Variants in FGF14 observed in about 807,000 individuals in gnomAD.
FGF14 encodes fibroblast growth factor homologous factor 4.
Under a neutral mutation model 25.5 loss-of-function variants are expected in FGF14, and 5 were observed. The observed-to-expected ratio is 0.20, with a 90% CI of 0.10 to 0.41. The LOEUF (loss-of-function observed/expected upper bound fraction) is 0.41, where lower values mean the gene tolerates loss of function less well. FGF14 is among the 10% of genes least tolerant of loss of function. The probability of loss-of-function intolerance (pLI) is 1.00; values close to 1 mark genes in which losing one functional copy is unlikely to be tolerated. For synonymous variants in FGF14, 138 were observed against 118.3 expected, an observed-to-expected ratio of 1.17 and a Z score of -1.08; for missense variants, 222 against 320.1, an observed-to-expected ratio of 0.69 and a Z score of 2.34.
intron 1 of FGF14, among the ~76,000 whole-genome samples, chr13:102,172,743 A>T (rs2048301357): frequency 6.6e-6 from 1 of 152,170 alleles, no homozygotes. Flanking sequence ...CTGCTCACAC[A>T]AGAAAAATAT....
chr13:101,724,083 G>A (rs1284115407), intron 4 of FGF14, among the ~76,000 whole-genome samples: 1 of 151,928 alleles, frequency 6.6e-6, no homozygotes, highest in African/African-American at 2.4e-5. Context: ...TACTTGCTAA[G>A]GTAGCAAAAG....
chr13:101,850,824 T>C (rs2140361955), intron 3 of FGF14, among the ~76,000 whole-genome samples: 1 of 151,540 alleles, frequency 6.6e-6, no homozygotes, highest in South Asian at 2.1e-4. Context: ...AGAATAATTT[T>C]CCCTTCTTCA....
intron 1 of FGF14, among the ~76,000 whole-genome samples, chr13:101,946,519 G>T (rs1225695812): frequency 1.1e-4 from 16 of 152,142 alleles, no homozygotes. Flanking sequence ...CAGTCCATAT[G>T]GTTGATCCAG....
In FGF14 at chr13:101,740,292, G is replaced by A. The variant is rs548919784; in HGVS notation, c.409-13482C>T. 2.7e-3 allele frequency among the ~76,000 whole-genome samples: 404 copies of A among 152,288 alleles called. 3 individuals carry two copies. Among genetic ancestry groups the A allele is most frequent in the African/African-American group, 9.1e-3 (376 of 41,544 alleles). On this transcript the variant is annotated intron_variant, in intron 3 of 4. Coordinates refer to ENST00000376143, the MANE Select transcript of FGF14 (RefSeq NM_004115.4). ...CATCGTTCTCTAAAAGCAATGGGAA[G>A]ACATTAGAAGTTTTAAGCAGGAACA...
intron 1 of FGF14, among the ~76,000 whole-genome samples, chr13:102,094,506 G>C (rs2044304840): frequency 6.6e-6 from 1 of 152,072 alleles, no homozygotes; most frequent in Non-Finnish European, 1.5e-5. Flanking sequence ...TATTCTGGAG[G>C]GGGCAGGGAA....
chr13:101,876,928 A>G (rs1255185302), intron 1 of FGF14, among the ~76,000 whole-genome samples: 1 of 152,192 alleles, frequency 6.6e-6, no homozygotes, highest in Admixed American at 6.5e-5. Context: ...GTAGCATGGA[A>G]AAGAAGCGAA....
intron 1 of FGF14, among the ~76,000 whole-genome samples, chr13:102,190,061 A>T (rs1388459648): frequency 6.6e-6 from 1 of 152,210 alleles, no homozygotes; most frequent in Non-Finnish European, 1.5e-5. Context: ...AAAACATATC[A>T]CATGTTATGT....
At chr13:101,907,501 A>G (rs2493581) in intron 1 of FGF14, among the ~76,000 whole-genome samples, 68,073 of 151,900 alleles carry the variant, frequency 0.45, 18,476 homozygotes, top group African/African-American at 0.76. Flanking sequence ...GTAGGATAAG[A>G]ACTGAAAACA....
At chr13:102,080,157 G>A (rs1278276186) in intron 1 of FGF14, among the ~76,000 whole-genome samples, 4 of 152,146 alleles carry the variant, frequency 2.6e-5, no homozygotes, top group Admixed American at 2.6e-4. Context: ...GTATTAACAG[G>A]CTCATCCTCG....
chr13:102,365,096 C>A (rs1730183457), intron 1 of FGF14, among the ~76,000 whole-genome samples: 1 of 152,138 alleles, frequency 6.6e-6, no homozygotes, highest in Admixed American at 6.5e-5. Flanking sequence ...AATTATTAAG[C>A]AGGACCATCC....
rs1339550466 is a variant in FGF14, at chr13:101,726,763, A to G, written c.456T>C (p.Asn152=). Residue 152 remains asparagine (N), a synonymous_variant, in exon 4 of 5, where the codon AAT becomes AAC. Transcript: ENST00000376143. ...ECKFKESVFE[N]YYVIYSSMLY... Reference sequence around the variant, plus strand: ...ACATGGATGAGTAGATTACATAATAATTTTCAAAAACAGATTCTTTAAACT... The same window carrying G: ...ACATGGATGAGTAGATTACATAATAGTTTTCAAAAACAGATTCTTTAAACT... The G allele has an allele frequency of 6.2e-7, 1 of 1,612,574 alleles. No homozygotes were observed. The highest frequency in any genetic ancestry group is 1.7e-5 in the Admixed American group (1 of 59,840).
intron 1 of FGF14, among the ~76,000 whole-genome samples, chr13:102,372,547 C>T (rs1385626754): frequency 1.3e-5 from 2 of 152,134 alleles, no homozygotes; most frequent in East Asian, 3.9e-4. Context: ...CGTCAACCAT[C>T]CCCTATCCTC....
intron 1 of FGF14, among the ~76,000 whole-genome samples, chr13:102,228,989 G>A (rs1366155098): frequency 2.0e-5 from 3 of 152,070 alleles, no homozygotes; most frequent in Non-Finnish European, 1.5e-5. Flanking sequence ...TTATTTTAAT[G>A]TTCCTTTATT....
chr13:101,814,914 A>G (rs1203773554), intron 3 of FGF14, among the ~76,000 whole-genome samples: 1 of 152,238 alleles, frequency 6.6e-6, no homozygotes, highest in Non-Finnish European at 1.5e-5. Flanking sequence ...ATTGGCAGTC[A>G]GATTTACAAG....
chr13:101,747,150 C>T (rs1243776179), intron 3 of FGF14, among the ~76,000 whole-genome samples: 1 of 151,882 alleles, frequency 6.6e-6, no homozygotes, highest in Non-Finnish European at 1.5e-5. Context: ...AGATGAGTAC[C>T]TGCCAAAGAA....
At chr13:102,322,877 T>A (rs1248328727) in intron 1 of FGF14, among the ~76,000 whole-genome samples, 2 of 151,816 alleles carry the variant, frequency 1.3e-5, no homozygotes, top group Non-Finnish European at 2.9e-5. Flanking sequence ...ATCACCAAAC[T>A]TAACATTAAA....
chr13:101,721,076 A>C lies in FGF14; in HGVS notation c.*1755T>G, dbSNP rs1367181472. On this transcript the variant is annotated 3_prime_UTR_variant, in exon 5 of 5. Coordinates refer to ENST00000376143, the MANE Select transcript of FGF14 (RefSeq NM_004115.4). ...AAAATGATGACTGGGTCATCCTCCC[A>C]CATAGAAAGAATAACAAGAGGCCAG... 6.6e-6 allele frequency: 1 copy of C among 152,134 alleles called. No individual in the cohort carries two copies. The highest frequency in any genetic ancestry group is 1.5e-5 in the Non-Finnish European group (1 of 68,000). The allele number at this position is 152,134 out of a possible 1,614,324, so 9.4% of individuals were successfully genotyped here.
intron 1 of FGF14, among the ~76,000 whole-genome samples, chr13:102,123,137 A>G (rs2045804319): frequency 6.6e-6 from 1 of 152,146 alleles, no homozygotes; most frequent in Non-Finnish European, 1.5e-5. Flanking sequence ...AGACACCTCC[A>G]TGTGAAGTAG....
chr13:102,073,384 C>CA (rs1249859825), intron 1 of FGF14, among the ~76,000 whole-genome samples: 1 of 152,236 alleles, frequency 6.6e-6, no homozygotes, highest in Non-Finnish European at 1.5e-5. Context: ...CAGCAGGCCA[C>CA]AGCCTTCACC....
Sources: gnomAD v4.1 joint callset for allele counts (sites outside exome capture counted in the v4.1 genomes callset) on GRCh38, gnomAD v4.1.1 for gene constraint, MANE v1.5 for transcripts, NCBI Gene and HGNC (gene_info 2026-07-23, HGNC 2026-07-21) for gene names.